Variants in DHRS9 observed in about 807,000 individuals in gnomAD.
DHRS9 encodes the protein dehydrogenase/reductase SDR family member 9.
In DHRS9, 18 loss-of-function variants were observed where a neutral mutation model predicts 26.6. That is an observed-to-expected ratio of 0.68 (90% CI 0.47 to 1.00). The LOEUF is 1.00. DHRS9 is among the 50% of genes least tolerant of loss of function. DHRS9 has a pLI of 0.00. For missense variants in DHRS9, 425 were observed against 378.7 expected, an observed-to-expected ratio of 1.12 and a Z score of -1.01; for synonymous variants, 134 against 141.1, an observed-to-expected ratio of 0.95 and a Z score of 0.36.
chr2:169,087,700 A>C (rs1684396227), intron 3 of DHRS9, among the ~76,000 whole-genome samples: 1 of 152,128 alleles, frequency 6.6e-6, no homozygotes, highest in African/African-American at 2.4e-5. Context: ...TTTAGTCAGC[A>C]GGTAATGAAT....
At chr2:169,080,047 AAG>A (rs1328711736) in intron 1 of DHRS9, among the ~76,000 whole-genome samples, 1 of 144,156 alleles carries the variant, frequency 6.9e-6, no homozygotes, top group African/African-American at 2.6e-5. Flanking sequence ...GAAAGAAAGA[AAG>A]AAAATAAAGT....
In DHRS9 at chr2:169,082,736, T is replaced by G. The variant is rs566469929; in HGVS notation, c.314-593T>G. Among the ~76,000 whole-genome samples, 3 of 152,256 alleles carry G rather than the reference T, an allele frequency of 2.0e-5. No individual in the cohort carries two copies. The South Asian group carries it at 6.2e-4, about 32-fold the overall frequency. ...GTAGATTGATATCACTCTTTGTCCA[T>G]ACAGAACATTATATAAATATTCTCT... is the stretch of plus-strand genomic sequence containing the variant. On this transcript the variant is annotated intron_variant, in intron 2 of 4. Transcript: ENST00000674881.
chr2:169,075,513 G>A (rs1446017968), intron 1 of DHRS9, among the ~76,000 whole-genome samples: 2 of 151,928 alleles, frequency 1.3e-5, no homozygotes, highest in African/African-American at 4.8e-5. Context: ...TCAAAATTGG[G>A]AAATTAATAT....
At chr2:169,070,780 C>T in intron 1 of DHRS9, 1 of 985,242 alleles carries the variant, frequency 1.0e-6, no homozygotes, top group Non-Finnish European at 1.2e-6. Context: ...AAAACGCATA[C>T]CTGGCCGGGC....
At chr2:169,091,693 G>A (rs1684531532) in intron 3 of DHRS9, 97 bp from the exon 4 acceptor site, 1 of 1,331,532 alleles carries the variant, frequency 7.5e-7, no homozygotes, top group Non-Finnish European at 1.0e-6. Flanking sequence ...CCAAATCTGT[G>A]ATTCCATGAA....
intron 1 of DHRS9, among the ~76,000 whole-genome samples, chr2:169,076,100 C>A (rs1250498662): frequency 6.6e-6 from 1 of 152,122 alleles, no homozygotes; most frequent in African/African-American, 2.4e-5. Flanking sequence ...CATCATTCGT[C>A]TGACACTTAT....
intron 4 of DHRS9, among the ~76,000 whole-genome samples, chr2:169,093,135 G>C (rs1684585814): frequency 6.6e-6 from 1 of 152,090 alleles, no homozygotes; most frequent in Non-Finnish European, 1.5e-5. Flanking sequence ...GCTTTGAGTT[G>C]AGCAGGGTTC....
chr2:169,069,722 C>A lies in DHRS9; in HGVS notation c.-60+5C>A. On this transcript the variant is annotated splice_donor_5th_base_variant and intron_variant, in intron 1 of 4. Transcript: ENST00000674881. Reference sequence around the variant, plus strand: ...TCCCACTTCATCTTTAATAAGGTAACTGATGACAGTTTTGTCATTTATTCT... The same window carrying A: ...TCCCACTTCATCTTTAATAAGGTAAATGATGACAGTTTTGTCATTTATTCT... 2 of 985,460 alleles carry A rather than the reference C, an allele frequency of 2.0e-6. No homozygotes were observed. Among genetic ancestry groups the A allele is most frequent in the Non-Finnish European group, 2.4e-6 (2 of 829,940 alleles). 61.0% of individuals were successfully genotyped at this position (985,460 alleles called of 1,614,324 possible).
chr2:169,095,397 A>C, intron 4 of DHRS9, 147 bp from the exon 5 acceptor site: 1 of 698,314 alleles, frequency 1.4e-6, no homozygotes, highest in Non-Finnish European at 2.5e-6. Flanking sequence ...TTTCTGAGGA[A>C]TAGATAGTAA....
chr2:169,089,598 T>C (rs1684457398), intron 3 of DHRS9, among the ~76,000 whole-genome samples: 1 of 152,246 alleles, frequency 6.6e-6, no homozygotes, highest in Admixed American at 6.5e-5. Flanking sequence ...AGTTTATGAT[T>C]TATACCATGG....
At chr2:169,086,745 G>C (rs547669334) in intron 3 of DHRS9, among the ~76,000 whole-genome samples, 1 of 152,308 alleles carries the variant, frequency 6.6e-6, no homozygotes, top group African/African-American at 2.4e-5. Context: ...CGTGCCTCTT[G>C]TAGGCTCATA....
intron 4 of DHRS9, among the ~76,000 whole-genome samples, chr2:169,094,011 A>G (rs1684617658): frequency 6.6e-6 from 1 of 152,222 alleles, no homozygotes. Context: ...GGAAATCTCT[A>G]TGCCATTTTC....
chr2:169,088,894 A>G lies in DHRS9; in HGVS notation c.573-2896A>G, dbSNP rs555606762. Among the ~76,000 whole-genome samples the G allele has an allele frequency of 4.8e-3, 730 of 152,348 alleles. 2 individuals carry two copies. Among genetic ancestry groups the G allele is most frequent in the Middle Eastern group, 6.8e-3 (2 of 294 alleles). On this transcript the variant is annotated intron_variant, in intron 3 of 4. Coordinates refer to ENST00000674881, the MANE Select transcript of DHRS9 (RefSeq NM_001376924.1). ...ACAGTACCACCCTATTTAAACCTTCAGTAGAAAACCATTAGTTCTTAAATA... is the reference window on the plus strand; with the variant it reads ...ACAGTACCACCCTATTTAAACCTTCGGTAGAAAACCATTAGTTCTTAAATA...
At chr2:169,092,048 T>C in intron 4 of DHRS9, 95 bp downstream of exon 4, 1 of 1,327,746 alleles carries the variant, frequency 7.5e-7, no homozygotes, top group Middle Eastern at 2.0e-4. Flanking sequence ...AGGTTCTGAG[T>C]AATACCCCAA....
intron 3 of DHRS9, among the ~76,000 whole-genome samples, chr2:169,090,067 A>G (rs1388830933): frequency 7.2e-5 from 11 of 152,216 alleles, no homozygotes; most frequent in African/African-American, 2.7e-4. Context: ...TGCCATGCCT[A>G]ATAGTAATCA....
chr2:169,079,987 A>AGAGAGAGAG (rs1684122613), intron 1 of DHRS9, among the ~76,000 whole-genome samples: 1 of 39,042 alleles, frequency 2.6e-5, no homozygotes, highest in Non-Finnish European at 5.1e-5. Flanking sequence ...GAGAGAGAGA[A>AGAGAGAGAG]AGAAAGAAAG....
chr2:169,083,736 T>A (rs1433870010), intron 3 of DHRS9, 149 bp downstream of exon 3: 22 of 897,874 alleles, frequency 2.5e-5, no homozygotes, highest in Non-Finnish European at 3.6e-5. Context: ...TATATATTTA[T>A]GGTTATATGA....
Position 169,092,932 on chromosome 2 carries a change from C to T in DHRS9, c.736+979C>T, listed in dbSNP as rs201814666. ...AGAATAACTTACCAAAATTGTACCACCAGTAAGTGGAAGAGCTAGATTTGG... is the reference window on the plus strand; with the variant it reads ...AGAATAACTTACCAAAATTGTACCATCAGTAAGTGGAAGAGCTAGATTTGG... On this transcript the variant is annotated intron_variant, in intron 4 of 4. Coordinates refer to ENST00000674881, the MANE Select transcript of DHRS9 (RefSeq NM_001376924.1). Among the ~76,000 whole-genome samples the T allele has an allele frequency of 3.9e-5, 6 of 152,238 alleles. No homozygotes were observed. In the East Asian group the frequency reaches 1.2e-3, roughly 29 times the overall value.
At chr2:169,067,427 GATACTCT>G (rs1683676386), upstream of DHRS9, among the ~76,000 whole-genome samples, 1 of 152,190 alleles carries the variant, frequency 6.6e-6, no homozygotes, top group South Asian at 2.1e-4. Flanking sequence ...GGGTGGAGAA[GATACTCT>G]TGGGTAGAAG....
Sources: allele counts gnomAD v4.1 joint callset (sites outside exome capture counted in the v4.1 genomes callset), GRCh38; gene constraint gnomAD v4.1.1; transcripts MANE v1.5; gene names NCBI Gene and HGNC (gene_info 2026-07-23, HGNC 2026-07-21).